SATB2: variants seen among roughly 807,000 people sequenced by gnomAD.
The protein encoded by SATB2 is SATB homeobox 2.
Under a neutral mutation model 73.4 loss-of-function variants are expected in SATB2, and 1 was observed. The observed-to-expected ratio is 0.01, with a 90% CI of 0.00 to 0.06. SATB2 has a LOEUF of 0.06. SATB2 is among the 10% of genes least tolerant of loss of function. SATB2 has a pLI of 1.00. For missense variants in SATB2, 459 were observed against 945.8 expected, an observed-to-expected ratio of 0.49 and a Z score of 6.75; for synonymous variants, 397 against 367.0, an observed-to-expected ratio of 1.08 and a Z score of -0.93.
Position 199,455,945 on chromosome 2 carries a change from C to G in SATB2, c.93G>C (p.Val31=), listed in dbSNP as rs1321587379. The G allele has an allele frequency of 2.6e-6, 4 of 1,538,026 alleles. No homozygotes were observed. The highest frequency in any genetic ancestry group is 2.0e-5 in the Admixed American group (1 of 51,254). ...GGCTGCCGTTCTGCTCCAGCCGGGCCACCTTCACTGGGGGAGGCCCCTTGA... is the reference window on the plus strand; with the variant it reads ...GGCTGCCGTTCTGCTCCAGCCGGGCGACCTTCACTGGGGGAGGCCCCTTGA... ...PDVKGPPPVK[V]ARLEQNGSPM... The change falls in exon 2 of 11, where the codon GTG becomes GTC. Residue 31 remains valine, a synonymous_variant. Transcript: ENST00000417098. This position sits in a 1 kb window ranked among gnomAD's most constrained non-coding sequence, Gnocchi z 4.1.
At chr2:199,393,130 T>G (rs1238187902) in intron 3 of SATB2, among the ~76,000 whole-genome samples, 1 of 152,150 alleles carries the variant, frequency 6.6e-6, no homozygotes, top group African/African-American at 2.4e-5. Flanking sequence ...ACCCACCCTC[T>G]GCTACAAATG....
At chr2:199,289,515 T>G (rs543261720) in intron 10 of SATB2, among the ~76,000 whole-genome samples, 1 of 152,182 alleles carries the variant, frequency 6.6e-6, no homozygotes. Flanking sequence ...AGTCCAATTG[T>G]GTCTCCACAC....
At chr2:199,374,340 G>A (rs1476438623) in intron 5 of SATB2, among the ~76,000 whole-genome samples, 1 of 152,168 alleles carries the variant, frequency 6.6e-6, no homozygotes, top group African/African-American at 2.4e-5. Flanking sequence ...ACTTACATAA[G>A]GTAGGTAGAA....
intron 7 of SATB2, among the ~76,000 whole-genome samples, chr2:199,334,683 A>G (rs1688285804): frequency 6.6e-6 from 1 of 152,138 alleles, no homozygotes; most frequent in South Asian, 2.1e-4. Flanking sequence ...GCTGACATGA[A>G]AGCAAAAAAC....
chr2:199,349,268 T>C, intron 6 of SATB2, 95 bp from the exon 7 acceptor site: 1 of 978,760 alleles, frequency 1.0e-6, no homozygotes, highest in South Asian at 1.4e-5. Context: ...TTTTGGCATG[T>C]TAATAATATA....
At chr2:199,366,808 T>C (rs1689296802) in intron 6 of SATB2, among the ~76,000 whole-genome samples, 2 of 87,718 alleles carry the variant, frequency 2.3e-5, no homozygotes, top group Non-Finnish European at 6.2e-5. Context: ...GCATTTACTA[T>C]CTTTAAAAAA....
chr2:199,359,514 T>A (rs185662537), intron 6 of SATB2, among the ~76,000 whole-genome samples: 69 of 152,264 alleles, frequency 4.5e-4, no homozygotes, highest in East Asian at 1.2e-3. Flanking sequence ...TTTCTCTCAA[T>A]TGACAGATCA....
rs186924321 is a variant in SATB2 at position 199,381,444 on chromosome 2, G to C, written c.473+250C>G. 1.2e-4 allele frequency among the ~76,000 whole-genome samples: 19 copies of C among 152,248 alleles called. No homozygotes were observed. The East Asian group carries it at 3.7e-3, about 29-fold the overall frequency. On this transcript the variant is annotated intron_variant, in intron 4 of 10. Coordinates refer to ENST00000417098, the MANE Select transcript of SATB2 (RefSeq NM_001172509.2). The stretch of plus-strand genomic sequence containing the variant: ...AAGGGCTATAGATTTTTAATGATTT[G>C]TCAAGCCGCCCCTAGGTTACCACTT...
intron 9 of SATB2, 28 bp downstream of exon 9, chr2:199,323,775 C>T (rs753606091): frequency 6.6e-5 from 107 of 1,611,276 alleles, no homozygotes; most frequent in Non-Finnish European, 8.5e-5. Flanking sequence ...TTCCAGCCCT[C>T]GATTTTGCTT....
chr2:199,351,162 T>C lies in SATB2; in HGVS notation c.701-1989A>G, dbSNP rs746294333. On this transcript the variant is annotated intron_variant, in intron 6 of 10. Transcript: ENST00000417098. ...CTTAATCCTTACAATGTTTGCTTGC[T>C]TTTTTTTTTTTTTTTTAAGACAGAG... 3.0e-3 allele frequency among the ~76,000 whole-genome samples: 399 copies of C among 133,626 alleles called. 2 individuals are homozygous for C. Among genetic ancestry groups the C allele is most frequent in the Non-Finnish European group, 4.8e-3 (303 of 63,300 alleles). The allele number at this position is 133,626 out of a possible 152,430, so 87.7% of individuals were successfully genotyped here.
chr2:199,462,872 G>A (rs1286196721), upstream of SATB2, among the ~76,000 whole-genome samples: 6 of 152,304 alleles, frequency 3.9e-5, no homozygotes, highest in East Asian at 1.9e-4. The surrounding 1 kb of genome is among the most constrained non-coding windows in gnomAD (Gnocchi z 5.9). Flanking sequence ...GGGGCTAGTG[G>A]GGCCGACCGT....
At chr2:199,372,664 T>C (rs934749390) in intron 5 of SATB2, among the ~76,000 whole-genome samples, 1 of 152,114 alleles carries the variant, frequency 6.6e-6, no homozygotes, top group Non-Finnish European at 1.5e-5. Flanking sequence ...GACTAACGAA[T>C]GAATGGAAGG....
upstream of SATB2, among the ~76,000 whole-genome samples, chr2:199,462,665 G>C (rs975714433): frequency 6.6e-6 from 1 of 152,204 alleles, no homozygotes; most frequent in Non-Finnish European, 1.5e-5. The surrounding 1 kb of genome is among the most constrained non-coding windows in gnomAD (Gnocchi z 5.9). Flanking sequence ...AGGGGGTCTG[G>C]GCGGGGGCGG....
At chr2:199,427,681 G>A (rs1476231267) in intron 3 of SATB2, among the ~76,000 whole-genome samples, 4 of 151,840 alleles carry the variant, frequency 2.6e-5, no homozygotes, top group Non-Finnish European at 5.9e-5. Context: ...GATCCTAGAT[G>A]AGGAGTTCAT....
chr2:199,454,676 CA>C (rs1333820403), intron 2 of SATB2, among the ~76,000 whole-genome samples: 1 of 151,900 alleles, frequency 6.6e-6, no homozygotes, highest in African/African-American at 2.4e-5. Context: ...AAGACTGAGA[CA>C]AACCATCCTA....
At chr2:199,422,583 G>T (rs1691205088) in intron 3 of SATB2, among the ~76,000 whole-genome samples, 1 of 151,978 alleles carries the variant, frequency 6.6e-6, no homozygotes, top group South Asian at 2.1e-4. Context: ...TATTCACTTG[G>T]ATTCTAGACT....
chr2:199,344,470 G>A (rs1226684211), intron 7 of SATB2, among the ~76,000 whole-genome samples: 1 of 152,210 alleles, frequency 6.6e-6, no homozygotes, highest in Admixed American at 6.5e-5. Context: ...ACATGTGAGA[G>A]TCTCTCAGGA....
rs1418073318 is a variant in SATB2, at chr2:199,306,893, C to T, written c.1740+1867G>A. 3.9e-5 allele frequency among the ~76,000 whole-genome samples: 6 copies of T among 152,274 alleles called. No homozygotes were observed. The South Asian group carries it at 8.3e-4, about 21-fold the overall frequency. On this transcript the variant is annotated intron_variant, in intron 10 of 10. Transcript: ENST00000417098. ...ATCTCAAATTTCTCTAAGTTTCCAACTTTATCACCATCTTATGATTAAAAT... is the reference window on the plus strand; with the variant it reads ...ATCTCAAATTTCTCTAAGTTTCCAATTTTATCACCATCTTATGATTAAAAT...
intron 10 of SATB2, among the ~76,000 whole-genome samples, chr2:199,300,199 G>A (rs1291784210): frequency 6.6e-6 from 1 of 151,636 alleles, no homozygotes; most frequent in African/African-American, 2.4e-5. Context: ...GGGAGGGAGG[G>A]AGAAGGAAGG....
Sources: allele counts gnomAD v4.1 joint callset (sites outside exome capture counted in the v4.1 genomes callset), GRCh38; gene constraint gnomAD v4.1.1; non-coding constraint Gnocchi (gnomAD v3.1); transcripts MANE v1.5; gene names NCBI Gene and HGNC (gene_info 2026-07-23, HGNC 2026-07-21).